Variants in ZNF626 observed in about 807,000 individuals in gnomAD.
The protein encoded by ZNF626 is CTC-513N18.7.
ZNF626 carries 4 observed loss-of-function variants against 11.7 expected under a neutral mutation model. The ratio of observed to expected loss-of-function variants is 0.34; its 90% CI spans 0.17 to 0.78. ZNF626 has a LOEUF of 0.78. Ranked by LOEUF, ZNF626 falls within the 30% of genes least tolerant of loss-of-function variation. The pLI is 0.57. For missense variants in ZNF626, 588 were observed against 587.1 expected (o/e 1.00, Z -0.01); for synonymous variants, 179 against 198.6 (o/e 0.90, Z 0.83).
intron 3 of ZNF626, among the ~76,000 whole-genome samples, chr19:20,634,144 T>C (rs1189500093): frequency 2.0e-5 from 3 of 152,282 alleles, no homozygotes; most frequent in Non-Finnish European, 4.4e-5. Flanking sequence ...GTGTCTCATA[T>C]TGGGGTTTCA....
chr19:20,623,853 C>A lies in ZNF626; in HGVS notation c.*437G>T. The A allele has an allele frequency of 9.5e-6, 3 of 317,378 alleles. No individual in the cohort carries two copies. The highest frequency in any genetic ancestry group is 7.9e-5 in the East Asian group (1 of 12,636). 19.7% of individuals were successfully genotyped at this position (317,378 alleles called of 1,614,324 possible). A position where few individuals can be genotyped will look rare whatever the true frequency, so the allele number is the denominator to read the frequency against. On this transcript the variant is annotated 3_prime_UTR_variant, in exon 4 of 4. Coordinates refer to ENST00000601440, the MANE Select transcript of ZNF626 (RefSeq NM_001076675.3). ...GTTATATGCTTTGCCACATTCTTCA[C>A]ACTTGTAGGGTTTCTTTCCAGTATG...
intron 1 of ZNF626, among the ~76,000 whole-genome samples, chr19:20,653,552 C>A (rs1295051570): frequency 6.6e-6 from 1 of 151,174 alleles, no homozygotes; most frequent in Non-Finnish European, 1.5e-5. Context: ...TCGCTTGAAC[C>A]TGGGAAGCAG....
rs1264677481 is a variant in ZNF626 at position 20,643,543 on chromosome 19, A to T, written c.226+2141T>A. Among the ~76,000 whole-genome samples, 8 of 152,370 alleles carry T rather than the reference A, an allele frequency of 5.3e-5. 1 individual carries two copies. Among genetic ancestry groups the T allele is most frequent in the Admixed American group, 4.6e-4 (7 of 15,304 alleles). ...CAAATTCTAGCATATTATCCTAAAT[A>T]ACTGAATCTAAAATTACAAATTTGA... is the stretch of plus-strand genomic sequence containing the variant. On this transcript the variant is annotated intron_variant, in intron 3 of 3. Coordinates refer to ENST00000601440, the MANE Select transcript of ZNF626 (RefSeq NM_001076675.3).
At chr19:20,635,734 CA>C (rs1969958953) in intron 3 of ZNF626, among the ~76,000 whole-genome samples, 1 of 152,100 alleles carries the variant, frequency 6.6e-6, no homozygotes, top group Middle Eastern at 3.2e-3. Context: ...AAATTATCTT[CA>C]AATCCAAAAA....
In ZNF626 at chr19:20,620,327, A is replaced by G. The variant is rs1028447733; in HGVS notation, c.*3963T>C. On this transcript the variant is annotated 3_prime_UTR_variant, in exon 4 of 4. Transcript: ENST00000601440. ...TTAGTTTTCCATTAATCACCTAAAAACTTATTTTGTTCCAATAATTGCGTT... is the reference window on the plus strand; with the variant it reads ...TTAGTTTTCCATTAATCACCTAAAAGCTTATTTTGTTCCAATAATTGCGTT... 1.6e-4 allele frequency: 24 copies of G among 152,154 alleles called. No homozygotes were observed. Among genetic ancestry groups the G allele is most frequent in the Non-Finnish European group, 3.1e-4 (21 of 68,032 alleles). 9.4% of individuals were successfully genotyped at this position (152,154 alleles called of 1,614,324 possible).
Position 20,661,427 on chromosome 19 carries a change from C to G in ZNF626, c.3+17G>C. ...CAGTCCCTCTCCTCTCTCGGGATGT[C>G]GGACCCTCACTCTCACCATTTTTGG... On this transcript the variant is annotated intron_variant, in intron 1 of 3. Transcript: ENST00000601440. 1.2e-6 allele frequency: 2 copies of G among 1,613,796 alleles called. No homozygotes were observed. The highest frequency in any genetic ancestry group is 1.3e-5 in the African/African-American group (1 of 75,056).
Position 20,625,523 on chromosome 19 carries a change from TATAC to T in ZNF626, c.350_353del (p.Cys117Ter). The T allele has an allele frequency of 1.2e-6, 2 of 1,613,698 alleles. No homozygotes were observed. Among genetic ancestry groups the T allele is most frequent in the Non-Finnish European group, 1.7e-6 (2 of 1,179,882 alleles). On this transcript the variant is annotated frameshift_variant, in exon 4 of 4. Coordinates refer to ENST00000601440, the MANE Select transcript of ZNF626 (RefSeq NM_001076675.3). LOFTEE classifies it low-confidence loss of function (END_TRUNC). ...TGTGCACCTTACACTCATCCACACT[TATAC>T]ATCCTTTTTTTAACTGTAAATTGTC...
At chr19:20,644,207 T>C (rs1970051545) in intron 3 of ZNF626, among the ~76,000 whole-genome samples, 5 of 152,182 alleles carry the variant, frequency 3.3e-5, no homozygotes, top group Admixed American at 2.6e-4. Flanking sequence ...GTCCTGCCTA[T>C]ATAGAAACCC....
intron 1 of ZNF626, among the ~76,000 whole-genome samples, chr19:20,647,142 G>C (rs1970088863): frequency 6.6e-6 from 1 of 152,138 alleles, no homozygotes; most frequent in South Asian, 2.1e-4. Context: ...ACCACACCTG[G>C]CCAATGTGGT....
rs1568453526 is a variant in ZNF626, at chr19:20,624,727, G to T, written c.1150C>A (p.Leu384Ile). The T allele has an allele frequency of 6.2e-7, 1 of 1,609,896 alleles. No homozygotes were observed. Among genetic ancestry groups the T allele is most frequent in the Non-Finnish European group, 8.5e-7 (1 of 1,178,214 alleles). Residue 384 changes from leucine to isoleucine, a missense_variant, in exon 4 of 4, where the codon CTT becomes ATT. By Grantham distance (5) the Leu-to-Ile change is conservative. Coordinates refer to ENST00000601440, the MANE Select transcript of ZNF626 (RefSeq NM_001076675.3). ...CGKAFKRSSD[L>I]TTHKIIHTGE... is the part of the protein sequence containing the mutation. ...GTATGAATTATCTTATGCGTAGTAA[G>T]GTCTGAAGACCGCTTGAAGGCTTTG...
At chr19:20,633,090 C>T in intron 3 of ZNF626, among the ~76,000 whole-genome samples, 1 of 152,130 alleles carries the variant, frequency 6.6e-6, no homozygotes, top group Admixed American at 6.6e-5. Flanking sequence ...GCGGTGGCTG[C>T]AGAACAGCGG....
chr19:20,647,021 C>G (rs879965343), intron 1 of ZNF626, among the ~76,000 whole-genome samples: 1 of 141,670 alleles, frequency 7.1e-6, no homozygotes, highest in Non-Finnish European at 1.6e-5. Flanking sequence ...TAATTTTTTT[C>G]GTAGTTTTAG....
chr19:20,643,032 GT>G (rs1184750876), intron 3 of ZNF626, among the ~76,000 whole-genome samples: 1 of 150,868 alleles, frequency 6.6e-6, no homozygotes, highest in Non-Finnish European at 1.5e-5. Context: ...AAAAAAATTT[GT>G]TGAAGTAACT....
At position 20,624,987 on chromosome 19, in the gene ZNF626, G is replaced by A; in HGVS notation, c.890C>T (p.Ser297Phe). 1.9e-6 allele frequency: 3 copies of A among 1,613,566 alleles called. No homozygotes were observed. Among genetic ancestry groups the A allele is most frequent in the Non-Finnish European group, 2.5e-6 (3 of 1,179,918 alleles). The change falls in exon 4 of 4, where the codon TCC becomes TTC. Residue 297 changes from serine to phenylalanine, a missense_variant. Physicochemically the swap from Ser to Phe is radical, Grantham distance 155. Transcript: ENST00000601440. ...CEECGKAFNR[S>F]STLTTHKIIH... ...TATCTTATGTGTAGTAAGGGTTGAGGACCGGTTGAAGGCTTTGCCACATTC... is the reference window on the plus strand; with the variant it reads ...TATCTTATGTGTAGTAAGGGTTGAGAACCGGTTGAAGGCTTTGCCACATTC...
At chr19:20,633,011 C>A (rs1555770519) in intron 3 of ZNF626, among the ~76,000 whole-genome samples, 1 of 152,148 alleles carries the variant, frequency 6.6e-6, no homozygotes, top group African/African-American at 2.4e-5. Flanking sequence ...ACAGACAGGA[C>A]CCTCAGCTGC....
At chr19:20,647,982 C>A (rs1333689022) in intron 1 of ZNF626, among the ~76,000 whole-genome samples, 2 of 151,832 alleles carry the variant, frequency 1.3e-5, no homozygotes, top group African/African-American at 4.8e-5. Flanking sequence ...AGTTCGAGAC[C>A]AGCATGACTA....
At chr19:20,635,042 C>A (rs1002262801) in intron 3 of ZNF626, among the ~76,000 whole-genome samples, 1 of 152,142 alleles carries the variant, frequency 6.6e-6, no homozygotes, top group Non-Finnish European at 1.5e-5. Context: ...TAGAAAAATA[C>A]TGGAATCTCA....
At chr19:20,634,068 G>A (rs1969939644) in intron 3 of ZNF626, among the ~76,000 whole-genome samples, 2 of 152,018 alleles carry the variant, frequency 1.3e-5, no homozygotes, top group Non-Finnish European at 2.9e-5. Flanking sequence ...GACAAAGAAG[G>A]ACATTAGATT....
Position 20,625,154 on chromosome 19 carries a change from G to C in ZNF626, c.723C>G (p.Ser241=), listed in dbSNP as rs546022937. 22 of 1,612,582 alleles carry C rather than the reference G, an allele frequency of 1.4e-5. No homozygotes were observed. The highest frequency in any genetic ancestry group is 1.7e-5 in the Non-Finnish European group (20 of 1,179,800). The stretch of plus-strand genomic sequence containing the variant: ...TTCTCTTATGTGTAGTAAGAGTGGA[G>C]GAGTGCTTAAAGGCTTTGCCACATT... ...CEECGKAFKH[S]STLTTHKRNH... The change falls in exon 4 of 4, where the codon TCC becomes TCG. Residue 241 remains serine, a synonymous_variant. Transcript: ENST00000601440.
Sources: allele counts gnomAD v4.1 joint callset (sites outside exome capture counted in the v4.1 genomes callset), GRCh38; gene constraint gnomAD v4.1.1; transcripts MANE v1.5; gene names NCBI Gene and HGNC (gene_info 2026-07-23, HGNC 2026-07-21).